FHOD3: variants seen among roughly 807,000 people sequenced by gnomAD.
FHOD3 encodes formin homology 2 domain containing 3, also known as FH1/FH2 domain-containing protein 3.
FHOD3 carries 90 observed loss-of-function variants against 173.0 expected under a neutral mutation model. That is an observed-to-expected ratio of 0.52 (90% confidence interval 0.44 to 0.62). The LOEUF (loss-of-function observed/expected upper bound fraction) is 0.62. FHOD3 is among the 20% of genes least tolerant of loss of function. FHOD3 has a pLI of 0.00. For missense variants in FHOD3, 1,945 were observed against 2,034.7 expected (o/e 0.96, Z 0.85); for synonymous variants, 828 against 823.0 (o/e 1.01, Z -0.10).
chr18:36,499,347 G>A lies in FHOD3; in HGVS notation c.338-2585G>A, dbSNP rs552912146. On this transcript the variant is annotated intron_variant, in intron 3 of 28. Coordinates refer to ENST00000590592, the MANE Select transcript of FHOD3 (RefSeq NM_001281740.3). ...TTGAACTCCTGACCTCAAGTGATCC[G>A]CCTGCCTCGGCCTCCCAAAGTGCTG... Among the ~76,000 whole-genome samples the A allele has an allele frequency of 1.2e-4, 18 of 152,136 alleles. 1 individual carries two copies. The highest frequency in any genetic ancestry group is 9.7e-4 in the East Asian group (5 of 5,150).
At chr18:36,389,713 A>T (rs2000661) in intron 3 of FHOD3, among the ~76,000 whole-genome samples, 246 of 152,006 alleles carry the variant, frequency 1.6e-3, no homozygotes, top group African/African-American at 5.8e-3. Context: ...GGAGCCCAAC[A>T]CCCTGCTCTT....
At chr18:36,616,258 A>C (rs879789042) in intron 9 of FHOD3, among the ~76,000 whole-genome samples, 1 of 152,186 alleles carries the variant, frequency 6.6e-6, no homozygotes, top group Non-Finnish European at 1.5e-5. Flanking sequence ...CATCTCTTAG[A>C]TTCTGTTCAG....
chr18:36,749,422 A>G (rs2042304471), intron 24 of FHOD3, among the ~76,000 whole-genome samples: 1 of 152,302 alleles, frequency 6.6e-6, no homozygotes, highest in East Asian at 1.9e-4. Flanking sequence ...AAATGAGAAC[A>G]TGTGATATTT....
In FHOD3 at chr18:36,760,787, C is replaced by T. The variant is rs764420257; in HGVS notation, c.4624+5C>T. On this transcript the variant is annotated splice_donor_5th_base_variant and intron_variant, in intron 27 of 28. Coordinates refer to ENST00000590592, the MANE Select transcript of FHOD3 (RefSeq NM_001281740.3). ...CACGCAGCCGAGCAAGCCGAGGTAA[C>T]TCCTGGCTGCGCGGGGCTCGTCTTG... The T allele has an allele frequency of 1.9e-6, 3 of 1,606,420 alleles. No homozygotes were observed. The highest frequency in any genetic ancestry group is 3.3e-5 in the Admixed American group (2 of 59,740).
chr18:36,772,023 A>G (rs748077624), intron 28 of FHOD3, among the ~76,000 whole-genome samples: 1 of 152,214 alleles, frequency 6.6e-6, no homozygotes, highest in Non-Finnish European at 1.5e-5. Flanking sequence ...ACGCGGTCAT[A>G]ATTAATTTTC....
chr18:36,422,374 C>T (rs539955600), intron 3 of FHOD3, among the ~76,000 whole-genome samples: 2 of 152,212 alleles, frequency 1.3e-5, no homozygotes, highest in Non-Finnish European at 1.5e-5. Flanking sequence ...TCCTATGTAA[C>T]CTATCCCCTG....
At chr18:36,726,917 C>T (rs1421044725) in intron 19 of FHOD3, among the ~76,000 whole-genome samples, 1 of 152,182 alleles carries the variant, frequency 6.6e-6, no homozygotes, top group African/African-American at 2.4e-5. Context: ...TCGTGATCTG[C>T]CCACCTCGGC....
intron 13 of FHOD3, among the ~76,000 whole-genome samples, chr18:36,655,080 A>G (rs1244745672): frequency 1.4e-5 from 2 of 140,800 alleles, no homozygotes; most frequent in East Asian, 2.0e-4. Flanking sequence ...TTGTACCCCA[A>G]TCATACTATC....
intron 6 of FHOD3, among the ~76,000 whole-genome samples, chr18:36,579,680 C>A (rs1394903423): frequency 1.3e-5 from 2 of 152,184 alleles, no homozygotes; most frequent in East Asian, 3.8e-4. Flanking sequence ...AACCTTCCTG[C>A]CCTCCAGAAG....
At chr18:36,747,177 C>A in intron 24 of FHOD3, 42 bp downstream of exon 24, 1 of 1,454,566 alleles carries the variant, frequency 6.9e-7, no homozygotes, top group Non-Finnish European at 9.2e-7. Flanking sequence ...AGTACAATGG[C>A]ATATTGAAAA....
At chr18:36,452,818 G>GTA (rs1321117600) in intron 3 of FHOD3, among the ~76,000 whole-genome samples, 1 of 151,768 alleles carries the variant, frequency 6.6e-6, no homozygotes, top group Admixed American at 6.6e-5. Context: ...GTGTGTATGT[G>GTA]TATATATATG....
chr18:36,617,111 A>G (rs2033268815), intron 9 of FHOD3, among the ~76,000 whole-genome samples: 2 of 152,248 alleles, frequency 1.3e-5, no homozygotes, highest in Non-Finnish European at 2.9e-5. Context: ...GTCCATAGCC[A>G]GGGACATCCT....
At chr18:36,608,755 A>G (rs1157694635) in intron 8 of FHOD3, among the ~76,000 whole-genome samples, 1 of 152,232 alleles carries the variant, frequency 6.6e-6, no homozygotes, top group South Asian at 2.1e-4. Context: ...TACAGTAAGT[A>G]ACCCTTTGAG....
intron 3 of FHOD3, among the ~76,000 whole-genome samples, chr18:36,378,047 C>G (rs1045353218): frequency 6.6e-6 from 1 of 152,186 alleles, no homozygotes; most frequent in Non-Finnish European, 1.5e-5. Flanking sequence ...CTGGTGGCAT[C>G]AGGTGCATTG....
intron 17 of FHOD3, among the ~76,000 whole-genome samples, chr18:36,697,638 G>A (rs2039360386): frequency 6.6e-6 from 1 of 152,134 alleles, no homozygotes; most frequent in South Asian, 2.1e-4. Context: ...TTGGCCCTGG[G>A]GATATATACG....
intron 6 of FHOD3, among the ~76,000 whole-genome samples, chr18:36,581,707 T>C (rs1402740664): frequency 3.3e-5 from 5 of 152,210 alleles, no homozygotes; most frequent in African/African-American, 1.2e-4. Flanking sequence ...CTCGTGCTCA[T>C]GCGCTCTCTC....
chr18:36,714,826 T>C (rs1292589168), intron 18 of FHOD3, among the ~76,000 whole-genome samples: 1 of 152,230 alleles, frequency 6.6e-6, no homozygotes, highest in Non-Finnish European at 1.5e-5. Context: ...AGTAGCTCCT[T>C]GTTCTGGTGT....
chr18:36,642,510 G>A (rs1200806671), intron 10 of FHOD3, among the ~76,000 whole-genome samples: 2 of 148,618 alleles, frequency 1.3e-5, no homozygotes, highest in Admixed American at 1.4e-4. Context: ...TTCCAGCTAG[G>A]AGGCGGAGCT....
At chr18:36,684,491 CTG>C (rs2038470982) in intron 15 of FHOD3, among the ~76,000 whole-genome samples, 2 of 150,564 alleles carry the variant, frequency 1.3e-5, no homozygotes, top group Admixed American at 6.6e-5. Flanking sequence ...AAAGATGTCT[CTG>C]TAAAAAAAAA....
Sources: allele counts gnomAD v4.1 joint callset (sites outside exome capture counted in the v4.1 genomes callset), GRCh38; gene constraint gnomAD v4.1.1; transcripts MANE v1.5; gene names NCBI Gene and HGNC (gene_info 2026-07-23, HGNC 2026-07-21).